SLC35F4: variants seen among roughly 807,000 people sequenced by gnomAD.
SLC35F4 encodes the protein chromosome 14 open reading frame 36.
SLC35F4 carries 24 observed loss-of-function variants against 44.2 expected under a neutral mutation model. That is an observed-to-expected ratio of 0.54 (90% CI 0.39 to 0.76). The LOEUF (loss-of-function observed/expected upper bound fraction) is 0.76. SLC35F4 is among the 30% of genes least tolerant of loss of function. SLC35F4 has a pLI of 0.00. For missense variants in SLC35F4, 562 were observed against 586.1 expected (o/e 0.96, Z 0.42); for synonymous variants, 238 against 223.6 (o/e 1.06, Z -0.57).
At position 57,589,780 on chromosome 14, in the gene SLC35F4, GC is replaced by G. The variant is rs555046249; in HGVS notation, c.290-268del. 2.4e-4 allele frequency among the ~76,000 whole-genome samples: 37 copies of G among 152,288 alleles called. No homozygotes were observed. In the East Asian group the frequency reaches 7.1e-3, roughly 29 times the overall value. ...CGGATGTTATGCTGTTTTCCAGTGT[GC>G]CCTTCCCTTGTAAGAGCATTACACA... On this transcript the variant is annotated intron_variant, in intron 2 of 7. Transcript: ENST00000556826.
intron 1 of SLC35F4, among the ~76,000 whole-genome samples, chr14:57,620,344 G>C (rs564923668): frequency 6.6e-6 from 1 of 152,218 alleles, no homozygotes; most frequent in Non-Finnish European, 1.5e-5. Flanking sequence ...TGAATCTCTC[G>C]GCAGAAACAC....
At chr14:57,736,702 G>GTC (rs762874004) in intron 1 of SLC35F4, among the ~76,000 whole-genome samples, 1 of 152,180 alleles carries the variant, frequency 6.6e-6, no homozygotes, top group African/African-American at 2.4e-5. Flanking sequence ...TGACCCTTGT[G>GTC]TCTCTCTCTG....
intron 1 of SLC35F4, among the ~76,000 whole-genome samples, chr14:57,608,032 C>T (rs1006054911): frequency 1.3e-5 from 2 of 152,156 alleles, no homozygotes; most frequent in Non-Finnish European, 1.5e-5. Flanking sequence ...CAGTCTTAGA[C>T]GTGGTGAGTT....
chr14:57,910,379 C>T (rs1250694574), intron 1 of SLC35F4, among the ~76,000 whole-genome samples: 2 of 152,008 alleles, frequency 1.3e-5, no homozygotes, highest in Non-Finnish European at 2.9e-5. Context: ...TCATCATACC[C>T]AAGGTCACTT....
intron 1 of SLC35F4, among the ~76,000 whole-genome samples, chr14:57,686,606 G>C (rs1473762056): frequency 6.6e-6 from 1 of 152,054 alleles, no homozygotes; most frequent in Non-Finnish European, 1.5e-5. Context: ...TTAGAAGATT[G>C]TCCAAAATCA....
intron 1 of SLC35F4, among the ~76,000 whole-genome samples, chr14:57,669,337 G>A (rs1165865049): frequency 2.6e-5 from 4 of 151,976 alleles, no homozygotes; most frequent in Non-Finnish European, 4.4e-5. Flanking sequence ...TCTCCTGCCT[G>A]ATTGCCCTGA....
chr14:57,761,196 A>G lies in SLC35F4; in HGVS notation c.103+104527T>C, dbSNP rs529689147. On this transcript the variant is annotated intron_variant, in intron 1 of 7. Coordinates refer to ENST00000556826, the MANE Select transcript of SLC35F4 (RefSeq NM_001306087.2). The stretch of plus-strand genomic sequence containing the variant: ...TCAATGTCTTGAAAACAGCGGTTGC[A>G]TATATTTTATCCAATTTTTAATTGT... 1.1e-4 allele frequency among the ~76,000 whole-genome samples: 16 copies of G among 152,288 alleles called. No homozygotes were observed. In the South Asian group the frequency reaches 3.3e-3, roughly 32 times the overall value.
chr14:57,688,988 T>G (rs2075147068), intron 1 of SLC35F4, among the ~76,000 whole-genome samples: 1 of 152,170 alleles, frequency 6.6e-6, no homozygotes, highest in South Asian at 2.1e-4. Flanking sequence ...TCAAAGTTAC[T>G]GTGTACCTAT....
intron 1 of SLC35F4, among the ~76,000 whole-genome samples, chr14:57,922,843 A>G (rs1889468581): frequency 6.6e-6 from 1 of 152,232 alleles, no homozygotes; most frequent in Non-Finnish European, 1.5e-5. Flanking sequence ...TTCTTCCTCT[A>G]ACATAGCTGA....
At position 57,964,985 on chromosome 14, in the gene SLC35F4, A is replaced by ATAT. The variant is rs1361527829; in HGVS notation, n.282+16927_282+16928insATA. 1.4e-3 allele frequency among the ~76,000 whole-genome samples: 180 copies of ATAT among 130,952 alleles called. 1 individual carries two copies. The highest frequency in any genetic ancestry group is 8.2e-3 in the East Asian group (35 of 4,290). The allele number at this position is 130,952 out of a possible 152,430, so 85.9% of individuals were successfully genotyped here. On this transcript the variant is annotated intron_variant and non_coding_transcript_variant, in intron 1 of 1. Transcript: ENST00000556568. ...ATGCTCCCATGGGGGAAAAAAAAAA[A>ATAT]AAAAAAATATATATATATATATATA...
Position 57,589,404 on chromosome 14 carries a change from C to A in SLC35F4, c.399G>T (p.Leu133Phe). 1 of 1,613,956 alleles carries A rather than the reference C, an allele frequency of 6.2e-7. No homozygotes were observed. The highest frequency in any genetic ancestry group is 8.5e-7 in the Non-Finnish European group (1 of 1,179,884). The part of the protein sequence containing the change: ...SMVLKGIWGL[L>F]IILSVSSSWV... ...AAGATGATGATACTGACAAGATGAT[C>A]AAGAGTCCCCAGATGCCCTTCAGAA... Residue 133 changes from leucine to phenylalanine, a missense_variant, in exon 3 of 8, where the codon TTG becomes TTT. Transcript: ENST00000556826.
At chr14:57,576,908 A>G (rs982086647) in intron 4 of SLC35F4, among the ~76,000 whole-genome samples, 1 of 152,226 alleles carries the variant, frequency 6.6e-6, no homozygotes, top group African/African-American at 2.4e-5. Flanking sequence ...AAGGGGTTAC[A>G]GATTCCTTGA....
At chr14:57,813,938 C>T (rs181360802) in intron 1 of SLC35F4, among the ~76,000 whole-genome samples, 9 of 152,238 alleles carry the variant, frequency 5.9e-5, no homozygotes, top group South Asian at 4.2e-4. Flanking sequence ...GTTGTGGGGA[C>T]GCTTTAGGGT....
chr14:57,689,989 C>T (rs11625209), intron 1 of SLC35F4, among the ~76,000 whole-genome samples: 20,390 of 152,150 alleles, frequency 0.13, 1,644 homozygotes, highest in African/African-American at 0.22. Flanking sequence ...TTCTTTTCCT[C>T]GAACAAATCA....
chr14:57,721,758 C>A (rs1322491188), intron 1 of SLC35F4, among the ~76,000 whole-genome samples: 1 of 152,044 alleles, frequency 6.6e-6, no homozygotes, highest in Admixed American at 6.6e-5. Context: ...TCTGATGAAC[C>A]TTTTTTGCCA....
At chr14:57,602,883 C>T (rs942704632) in intron 1 of SLC35F4, among the ~76,000 whole-genome samples, 3 of 152,152 alleles carry the variant, frequency 2.0e-5, no homozygotes, top group African/African-American at 7.2e-5. Flanking sequence ...CAAGCTTTAA[C>T]CCCCAGTCCT....
intron 1 of SLC35F4, among the ~76,000 whole-genome samples, chr14:57,894,351 C>A (rs1390054103): frequency 2.0e-5 from 3 of 151,882 alleles, no homozygotes; most frequent in African/African-American, 7.3e-5. Flanking sequence ...CCCTTTGCAG[C>A]ACTATTTAAA....
At chr14:57,770,804 T>G (rs544985160) in intron 1 of SLC35F4, among the ~76,000 whole-genome samples, 3 of 152,218 alleles carry the variant, frequency 2.0e-5, no homozygotes, top group Non-Finnish European at 4.4e-5. Flanking sequence ...TCAGGACAAT[T>G]TATTATCGTG....
chr14:57,665,001 G>A (rs1450295240), intron 1 of SLC35F4, among the ~76,000 whole-genome samples: 3 of 152,152 alleles, frequency 2.0e-5, no homozygotes, highest in Non-Finnish European at 2.9e-5. Flanking sequence ...CCATTTCTGG[G>A]TGGGCTGTTT....
Sources: gnomAD v4.1 joint callset for allele counts (sites outside exome capture counted in the v4.1 genomes callset) on GRCh38, gnomAD v4.1.1 for gene constraint, MANE v1.5 for transcripts, NCBI Gene and HGNC (gene_info 2026-07-23, HGNC 2026-07-21) for gene names.